ADGB: variants seen among roughly 807,000 people sequenced by gnomAD.
ADGB encodes the protein androglobin.
A neutral mutation model predicts 210.5 loss-of-function variants in ADGB; 172 were observed. The ratio of observed to expected loss-of-function variants is 0.82; its 90% CI spans 0.72 to 0.93. The LOEUF is 0.93. Ranked by LOEUF, ADGB falls within the 40% of genes least tolerant of loss-of-function variation. The pLI, the probability that ADGB is intolerant of heterozygous loss-of-function variation, is 0.00. For synonymous variants in ADGB, 658 were observed against 662.7 expected (o/e 0.99, Z 0.11); for missense variants, 2,025 against 1,964.8 (o/e 1.03, Z -0.58).
chr6:146,766,045 G>A (rs1777568659), intron 28 of ADGB, among the ~76,000 whole-genome samples: 1 of 152,068 alleles, frequency 6.6e-6, no homozygotes, highest in African/African-American at 2.4e-5. Flanking sequence ...TAGGGTGGAG[G>A]TGTAACAACA....
intron 1 of ADGB, among the ~76,000 whole-genome samples, chr6:146,610,566 G>A (rs1358115438): frequency 6.6e-6 from 1 of 152,136 alleles, no homozygotes; most frequent in Non-Finnish European, 1.5e-5. Context: ...AGTATAAGTT[G>A]AATTTAGTCA....
intron 5 of ADGB, 116 bp from the exon 6 acceptor site, chr6:146,664,085 G>A: frequency 1.0e-6 from 1 of 998,674 alleles, no homozygotes; most frequent in East Asian, 2.7e-5. Flanking sequence ...TTCAGTGTAA[G>A]ATGCTAAAAT....
rs747118264 is a variant in ADGB, at chr6:146,801,823, T to C, written c.4635-5T>C. 424 of 1,533,340 alleles carry C rather than the reference T, an allele frequency of 2.8e-4. 1 individual carries two copies. Among genetic ancestry groups the C allele is most frequent in the Non-Finnish European group, 3.6e-4 (411 of 1,138,222 alleles). 95.0% of individuals were successfully genotyped at this position (1,533,340 alleles called of 1,614,324 possible). The stretch of plus-strand genomic sequence containing the variant: ...TCTGTATCTTTTGATGACTTTTGTA[T>C]CAAGGAAAACAGATACAGATCCTCT... On this transcript the variant is annotated splice_region_variant and splice_polypyrimidine_tract_variant and intron_variant, in intron 34 of 35. Transcript: ENST00000397944.
chr6:146,700,823 G>T, intron 12 of ADGB, 118 bp from the exon 13 acceptor site: 1 of 1,195,678 alleles, frequency 8.4e-7, no homozygotes, highest in East Asian at 2.6e-5. Context: ...AAAAGAATGA[G>T]AATGACAAAT....
intron 28 of ADGB, among the ~76,000 whole-genome samples, chr6:146,768,686 C>A (rs1472637268): frequency 6.6e-6 from 1 of 152,022 alleles, no homozygotes; most frequent in Non-Finnish European, 1.5e-5. Flanking sequence ...GAAGAGAAAA[C>A]CCTAAAGGCC....
chr6:146,713,912 C>T (rs573435462), intron 13 of ADGB, among the ~76,000 whole-genome samples: 184 of 152,116 alleles, frequency 1.2e-3, no homozygotes, highest in African/African-American at 4.3e-3. Context: ...GTGCCTAAAG[C>T]TTGTATTGTT....
chr6:146,675,668 C>T (rs1198614825), intron 8 of ADGB, among the ~76,000 whole-genome samples: 1 of 151,946 alleles, frequency 6.6e-6, no homozygotes, highest in East Asian at 1.9e-4. Context: ...AGAATTGAGA[C>T]AGATTTGTTA....
chr6:146,709,436 G>T (rs537395240), intron 13 of ADGB, among the ~76,000 whole-genome samples: 2 of 152,188 alleles, frequency 1.3e-5, no homozygotes, highest in African/African-American at 4.8e-5. Flanking sequence ...GTTTGTTACT[G>T]TACTCCTTGA....
intron 23 of ADGB, among the ~76,000 whole-genome samples, chr6:146,737,213 A>C (rs1375821980): frequency 6.6e-6 from 1 of 152,146 alleles, no homozygotes; most frequent in Admixed American, 6.5e-5. Flanking sequence ...AAAAAGAGAA[A>C]ATAGATGAAA....
intron 1 of ADGB, among the ~76,000 whole-genome samples, chr6:146,623,013 T>G (rs926120344): frequency 2.0e-5 from 3 of 152,038 alleles, no homozygotes; most frequent in Non-Finnish European, 4.4e-5. Flanking sequence ...GCTGTCCATA[T>G]GAATATGGGC....
intron 17 of ADGB, 143 bp downstream of exon 17, chr6:146,721,648 A>G (rs1355822103): frequency 9.2e-6 from 5 of 543,638 alleles, no homozygotes; most frequent in Admixed American, 3.1e-5. Context: ...GGCCAGCCTG[A>G]CCAACATGGT....
intron 1 of ADGB, among the ~76,000 whole-genome samples, chr6:146,602,910 C>T (rs1171977411): frequency 6.6e-6 from 1 of 152,210 alleles, no homozygotes; most frequent in Admixed American, 6.5e-5. Context: ...GAAAAATTGT[C>T]TTCCACAAAA....
intron 1 of ADGB, among the ~76,000 whole-genome samples, chr6:146,615,516 T>G (rs919235806): frequency 1.3e-5 from 2 of 152,226 alleles, no homozygotes; most frequent in Non-Finnish European, 2.9e-5. Flanking sequence ...TACTGTGCTA[T>G]CAAACACTAA....
chr6:146,660,350 G>A (rs949818485), intron 5 of ADGB, among the ~76,000 whole-genome samples: 2 of 152,096 alleles, frequency 1.3e-5, no homozygotes, highest in African/African-American at 4.8e-5. Flanking sequence ...TTTTAAAACA[G>A]GAAATTCAAC....
In ADGB at chr6:146,752,652, A is replaced by T. The variant is rs1259998086; in HGVS notation, c.3488A>T (p.Lys1163Ile). The T allele has an allele frequency of 1.3e-6, 2 of 1,550,856 alleles. No individual in the cohort carries two copies. Among genetic ancestry groups the T allele is most frequent in the Non-Finnish European group, 1.7e-6 (2 of 1,146,476 alleles). The change falls in exon 27 of 36, where the codon AAA (lysine) becomes ATA (isoleucine). Residue 1163 changes from lysine (K) to isoleucine (I), a missense_variant. By Grantham distance (102) the Lys-to-Ile change is moderately radical. Coordinates refer to ENST00000397944, the MANE Select transcript of ADGB (RefSeq NM_024694.4). ...NEETMVSSTG[K>I]GQAIIPAFHF... The stretch of plus-strand genomic sequence containing the variant: ...GAAACTATGGTGAGCTCCACTGGAA[A>T]AGGCCAAGCTATAATCCCAGCATTT...
chr6:146,715,512 C>T (rs1441059473), intron 14 of ADGB, 97 bp downstream of exon 14: 1 of 785,394 alleles, frequency 1.3e-6, no homozygotes, highest in Non-Finnish European at 1.9e-6. Context: ...CTCTCAGCAG[C>T]CTTTCTTCAG....
intron 1 of ADGB, among the ~76,000 whole-genome samples, chr6:146,623,053 A>C (rs996805841): frequency 6.6e-6 from 1 of 151,716 alleles, no homozygotes; most frequent in African/African-American, 2.4e-5. Flanking sequence ...TGTTCCTTTG[A>C]TCTGTTTATG....
At chr6:146,717,733 T>C (rs1776755894) in intron 16 of ADGB, 134 bp downstream of exon 16, 1 of 462,302 alleles carries the variant, frequency 2.2e-6, no homozygotes, top group Non-Finnish European at 3.8e-6. Flanking sequence ...ATTTTTAGAG[T>C]CTCTCACTAA....
At chr6:146,769,665 C>T (rs1410290962) in intron 29 of ADGB, among the ~76,000 whole-genome samples, 1 of 152,058 alleles carries the variant, frequency 6.6e-6, no homozygotes, top group Non-Finnish European at 1.5e-5. Flanking sequence ...CTTTATATCC[C>T]ATTGGGCAAT....
Sources: allele counts gnomAD v4.1 joint callset (sites outside exome capture counted in the v4.1 genomes callset), GRCh38; gene constraint gnomAD v4.1.1; transcripts MANE v1.5; gene names NCBI Gene and HGNC (gene_info 2026-07-23, HGNC 2026-07-21).